Variants in ASIP observed in about 807,000 individuals in gnomAD.
The protein encoded by ASIP is agouti-signaling protein.
In ASIP, 11 loss-of-function variants were observed where a neutral mutation model predicts 10.3. The ratio of observed to expected loss-of-function variants is 1.07; its 90% confidence interval spans 0.68 to 1.78. The LOEUF is 1.78. Among genes scored for constraint, ASIP ranks in the 40% most tolerant of loss-of-function variants. The pLI, the probability that ASIP is intolerant of heterozygous loss-of-function variation, is 0.00. For synonymous variants in ASIP, 70 were observed against 70.8 expected (o/e 0.99, Z 0.06); for missense variants, 180 against 169.2 (o/e 1.06, Z -0.35).
upstream of ASIP, among the ~76,000 whole-genome samples, chr20:34,239,647 G>A (rs1033263579): frequency 2.0e-5 from 3 of 152,200 alleles, no homozygotes; most frequent in African/African-American, 7.2e-5. Context: ...TGTTCAGACA[G>A]TTTATGTGAC....
chr20:34,226,966 T>C (rs1423344661), intron 1 of ASIP, among the ~76,000 whole-genome samples: 1 of 152,196 alleles, frequency 6.6e-6, no homozygotes, highest in Non-Finnish European at 1.5e-5. Context: ...ACATCTTCTA[T>C]TGAACTCTCT....
At chr20:34,266,672 C>G (rs533115527) in intron 3 of ASIP, among the ~76,000 whole-genome samples, 8 of 152,134 alleles carry the variant, frequency 5.3e-5, no homozygotes, top group African/African-American at 1.9e-4. Context: ...GACTCCATCT[C>G]AAAAACAAAC....
chr20:34,249,047 T>G (rs1000608317), intron 1 of ASIP, among the ~76,000 whole-genome samples: 1 of 151,464 alleles, frequency 6.6e-6, no homozygotes, highest in Admixed American at 6.6e-5. Flanking sequence ...GAGAATTGCT[T>G]GAACCCTGAA....
chr20:34,258,346 CTTT>C (rs56005855), intron 1 of ASIP, among the ~76,000 whole-genome samples: 1 of 138,412 alleles, frequency 7.2e-6, no homozygotes. Context: ...GTTGGATATT[CTTT>C]TTTTTTTTTT....
chr20:34,260,358 C>A lies in ASIP; in HGVS notation c.-10-7C>A. 1 of 1,610,958 alleles carries A rather than the reference C, an allele frequency of 6.2e-7. No individual in the cohort carries two copies. Among genetic ancestry groups the A allele is most frequent in the Non-Finnish European group, 8.5e-7 (1 of 1,177,876 alleles). ...ACCCACCTGACCACCTTCTCTGTCCCACTCAGGCCTCCTGGGATGGATGTC... is the reference window on the plus strand; with the variant it reads ...ACCCACCTGACCACCTTCTCTGTCCAACTCAGGCCTCCTGGGATGGATGTC... On this transcript the variant is annotated splice_region_variant and splice_polypyrimidine_tract_variant and intron_variant, in intron 1 of 3. Transcript: ENST00000374954.
In ASIP at chr20:34,260,383, C is replaced by T; in HGVS notation, c.9C>T (p.Val3=). ...CACTCAGGCCTCCTGGGATGGATGTCACCCGCTTACTCCTGGCCACCCTGC... is the reference window on the plus strand; with the variant it reads ...CACTCAGGCCTCCTGGGATGGATGTTACCCGCTTACTCCTGGCCACCCTGC... MD[V]TRLLLATLLV... The change falls in exon 2 of 4, where the codon GTC becomes GTT. Residue 3 remains valine (V), a synonymous_variant. Transcript: ENST00000374954. The T allele has an allele frequency of 2.5e-6, 4 of 1,613,512 alleles. No homozygotes were observed. The highest frequency in any genetic ancestry group is 3.4e-6 in the Non-Finnish European group (4 of 1,179,636).
At chr20:34,235,783 AAAG>A (rs1294063419) in intron 1 of ASIP, among the ~76,000 whole-genome samples, 1 of 138,192 alleles carries the variant, frequency 7.2e-6, no homozygotes, top group African/African-American at 2.8e-5. Context: ...AGACTCTGAG[AAAG>A]AAGAAAGAAA....
At chr20:34,249,700 C>T (rs891826533) in intron 1 of ASIP, among the ~76,000 whole-genome samples, 1 of 152,164 alleles carries the variant, frequency 6.6e-6, no homozygotes, top group Non-Finnish European at 1.5e-5. Context: ...CCCCCTCCTC[C>T]TTTTGTTAGT....
the ASIP span, among the ~76,000 whole-genome samples, chr20:34,186,506 C>T: frequency 2.0e-5 from 3 of 152,232 alleles, no homozygotes; most frequent in African/African-American, 4.8e-5. Flanking sequence ...CTACCAAAGT[C>T]GCTGGTAGCC....
At chr20:34,236,084 AG>A (rs1323014680) in intron 1 of ASIP, among the ~76,000 whole-genome samples, 2 of 118,238 alleles carry the variant, frequency 1.7e-5, no homozygotes, top group East Asian at 6.0e-4. Context: ...GAGAAAGAGA[AG>A]GAAGGAAGGA....
intron 1 of ASIP, among the ~76,000 whole-genome samples, chr20:34,235,877 GGAA>G: frequency 9.5e-6 from 1 of 105,260 alleles, no homozygotes; most frequent in African/African-American, 5.3e-5. Context: ...AAGGAAGGAA[GGAA>G]GGAAGGAAGG....
upstream of ASIP, among the ~76,000 whole-genome samples, chr20:34,190,464 T>A (rs1365541499): frequency 6.6e-6 from 1 of 152,174 alleles, no homozygotes; most frequent in Non-Finnish European, 1.5e-5. Flanking sequence ...TCTCATCTGT[T>A]CCCCTGGTTT....
upstream of ASIP, among the ~76,000 whole-genome samples, chr20:34,194,068 A>C (rs1235542419): frequency 6.6e-6 from 1 of 152,132 alleles, no homozygotes; most frequent in Admixed American, 6.5e-5. Context: ...TTACCCCACA[A>C]TTGAACTCCT....
rs572950361 is a variant in ASIP, at chr20:34,243,937, C to T, written c.-11+2448C>T. 2.6e-4 allele frequency among the ~76,000 whole-genome samples: 39 copies of T among 152,106 alleles called. No individual in the cohort carries two copies. The East Asian group carries it at 5.4e-3, about 21-fold the overall frequency. ...AAAATTAACCGGGCGTGGTGGCGGG[C>T]GCCTGTAGTCCCAGCTACTCAGGAG... is the stretch of plus-strand genomic sequence containing the variant. On this transcript the variant is annotated intron_variant, in intron 1 of 3. Coordinates refer to ENST00000374954, the MANE Select transcript of ASIP (RefSeq NM_001672.3).
intron 1 of ASIP, among the ~76,000 whole-genome samples, chr20:34,223,227 G>A (rs1265233530): frequency 2.6e-5 from 4 of 151,210 alleles, no homozygotes; most frequent in African/African-American, 7.3e-5. Flanking sequence ...AGTGAGGAGC[G>A]TCTCTGCCCG....
intron 1 of ASIP, chr20:34,215,967 C>T (rs1263904370): frequency 1.3e-6 from 1 of 759,464 alleles, no homozygotes; most frequent in Non-Finnish European, 2.4e-6. Context: ...TTATAAACAT[C>T]TTCCCTATCA....
chr20:34,267,398 G>A (rs931230751), intron 3 of ASIP, among the ~76,000 whole-genome samples: 6 of 147,466 alleles, frequency 4.1e-5, no homozygotes, highest in African/African-American at 5.1e-5. Context: ...GAGGCCAGGC[G>A]CGGTGGCTCA....
chr20:34,247,459 C>A (rs1184294480), intron 1 of ASIP, among the ~76,000 whole-genome samples: 1 of 151,524 alleles, frequency 6.6e-6, no homozygotes, highest in African/African-American at 2.4e-5. Context: ...TGCCACCACG[C>A]CCAGCTAATT....
chr20:34,260,573 G>T, intron 2 of ASIP, 39 bp downstream of exon 2: 1 of 1,554,850 alleles, frequency 6.4e-7, no homozygotes, highest in South Asian at 1.2e-5. Flanking sequence ...CCAGGAGAGG[G>T]GCTGCAGGAG....
Sources: allele counts gnomAD v4.1 joint callset (sites outside exome capture counted in the v4.1 genomes callset), GRCh38; gene constraint gnomAD v4.1.1; transcripts MANE v1.5; gene names NCBI Gene and HGNC (gene_info 2026-07-23, HGNC 2026-07-21).